Variants in TAFA2 observed in about 807,000 individuals in gnomAD.
TAFA2 encodes the protein chemokine-like protein TAFA-2.
Under a neutral mutation model 18.8 loss-of-function variants are expected in TAFA2, and 7 were observed. The observed-to-expected ratio is 0.37, with a 90% confidence interval of 0.21 to 0.70. The LOEUF is 0.70. TAFA2 is among the 30% of genes least tolerant of loss of function. TAFA2 has a pLI of 0.53. For missense variants in TAFA2, 122 were observed against 158.1 expected (o/e 0.77, Z 1.23); for synonymous variants, 60 against 54.2 (o/e 1.11, Z -0.47).
In TAFA2 at chr12:61,872,735, A is replaced by T. The variant is rs143666183; in HGVS notation, c.-1-5309T>A. Among the ~76,000 whole-genome samples the T allele has an allele frequency of 6.6e-4, 100 of 152,012 alleles. 1 individual carries two copies. Among genetic ancestry groups the T allele is most frequent in the African/African-American group, 2.4e-3 (98 of 41,470 alleles). On this transcript the variant is annotated intron_variant, in intron 1 of 4. Transcript: ENST00000416284. The stretch of plus-strand genomic sequence containing the variant: ...CAAGCTAAATCTAGACCTTACCCTA[A>T]ACGTTAATTCTGCCATGAAGGTTCT...
chr12:62,161,591 G>A (rs925469928), intron 1 of TAFA2, among the ~76,000 whole-genome samples: 79 of 152,112 alleles, frequency 5.2e-4, no homozygotes, highest in Admixed American at 5.1e-3. Flanking sequence ...ATGACTTAAT[G>A]GGTGCAGTGT....
intron 2 of TAFA2, among the ~76,000 whole-genome samples, chr12:61,795,729 A>T (rs1024389039): frequency 2.6e-5 from 4 of 151,496 alleles, no homozygotes; most frequent in Non-Finnish European, 5.9e-5. Flanking sequence ...GTGTAATTTA[A>T]AAAAAAAACT....
chr12:61,876,198 T>C (rs921200153), intron 1 of TAFA2, among the ~76,000 whole-genome samples: 1 of 152,174 alleles, frequency 6.6e-6, no homozygotes, highest in African/African-American at 2.4e-5. Context: ...CAGTCTATTA[T>C]CATTGGGACT....
chr12:61,790,932 A>G (rs1452332322), intron 2 of TAFA2, among the ~76,000 whole-genome samples: 2 of 151,840 alleles, frequency 1.3e-5, no homozygotes, highest in Admixed American at 6.6e-5. Context: ...GAAAACCTAG[A>G]GGCATCATAT....
intron 1 of TAFA2, among the ~76,000 whole-genome samples, chr12:62,050,839 A>T (rs1882033612): frequency 6.6e-6 from 1 of 152,324 alleles, no homozygotes; most frequent in Middle Eastern, 3.4e-3. Context: ...TATTTACACC[A>T]TAGGAACTGG....
chr12:61,955,614 AAAAAAAAAAAAAAAAAAAAT>A lies in TAFA2; in HGVS notation c.-1-88208_-1-88189del, dbSNP rs1284682550. ...AGACTCCATCTCAAAAAAAAAAAAA[AAAAAAAAAAAAAAAAAAAAT>A]ATATATATATATATATATATATATA... is the stretch of plus-strand genomic sequence containing the variant. On this transcript the variant is annotated intron_variant, in intron 1 of 4. Coordinates refer to ENST00000416284, the MANE Select transcript of TAFA2 (RefSeq NM_178539.5). 8.5e-4 allele frequency among the ~76,000 whole-genome samples: 28 copies of A among 32,944 alleles called. 1 individual carries two copies. The highest frequency in any genetic ancestry group is 2.6e-3 in the African/African-American group (27 of 10,354). 21.6% of individuals were successfully genotyped at this position (32,944 alleles called of 152,430 possible).
chr12:62,050,724 G>A (rs1882030480), intron 1 of TAFA2, among the ~76,000 whole-genome samples: 1 of 152,106 alleles, frequency 6.6e-6, no homozygotes, highest in East Asian at 1.9e-4. Flanking sequence ...AAACTGAAGT[G>A]ATTTTCAATT....
chr12:61,780,523 T>C (rs1014839402), intron 2 of TAFA2, among the ~76,000 whole-genome samples: 1 of 151,692 alleles, frequency 6.6e-6, no homozygotes, highest in Admixed American at 6.6e-5. Flanking sequence ...ATAAATCTTC[T>C]CCCAGTCTCT....
upstream of TAFA2, among the ~76,000 whole-genome samples, chr12:62,194,355 A>C (rs960412018): frequency 1.3e-5 from 2 of 151,958 alleles, no homozygotes; most frequent in Admixed American, 6.6e-5. Context: ...CATACATTAT[A>C]ATCTTTCTAC....
At chr12:61,971,367 T>C (rs1182326552) in intron 1 of TAFA2, among the ~76,000 whole-genome samples, 1 of 151,682 alleles carries the variant, frequency 6.6e-6, no homozygotes, top group Non-Finnish European at 1.5e-5. Flanking sequence ...TCCATAGCAT[T>C]AGGAGATATA....
chr12:61,914,340 G>T (rs531528995), intron 1 of TAFA2, among the ~76,000 whole-genome samples: 10 of 152,104 alleles, frequency 6.6e-5, no homozygotes, highest in Non-Finnish European at 1.3e-4. Context: ...ACCAGAAAAA[G>T]GAAGAGACCC....
At chr12:61,847,945 GGGCTTGTCA>G (rs769966233) in intron 2 of TAFA2, among the ~76,000 whole-genome samples, 66 of 152,102 alleles carry the variant, frequency 4.3e-4, no homozygotes, top group Non-Finnish European at 8.8e-4. Context: ...CTCTATTAGT[GGGCTTGTCA>G]GTTTTATCTA....
intron 2 of TAFA2, among the ~76,000 whole-genome samples, chr12:61,837,395 A>AGG (rs1407645130): frequency 6.6e-6 from 1 of 152,042 alleles, no homozygotes; most frequent in Non-Finnish European, 1.5e-5. Flanking sequence ...TAGAGACATC[A>AGG]TAACTCTTAA....
intron 1 of TAFA2, among the ~76,000 whole-genome samples, chr12:62,071,254 T>C (rs1882623395): frequency 6.6e-6 from 1 of 152,126 alleles, no homozygotes; most frequent in Non-Finnish European, 1.5e-5. Flanking sequence ...GAAATCGGAA[T>C]GCTAAGAAGG....
At chr12:62,206,363 C>G (rs1014587117) in intron 1 of TAFA2, among the ~76,000 whole-genome samples, 1 of 152,228 alleles carries the variant, frequency 6.6e-6, no homozygotes, top group African/African-American at 2.4e-5. Context: ...ACAGCATTCA[C>G]CAATACCATG....
At chr12:62,170,674 C>A (rs2062471367) in intron 1 of TAFA2, among the ~76,000 whole-genome samples, 1 of 140,956 alleles carries the variant, frequency 7.1e-6, no homozygotes, top group East Asian at 2.0e-4. Flanking sequence ...TACATCGATA[C>A]AATGCAGAGT....
intron 1 of TAFA2, among the ~76,000 whole-genome samples, chr12:61,978,330 A>G (rs1304622219): frequency 6.6e-6 from 1 of 152,092 alleles, no homozygotes; most frequent in Non-Finnish European, 1.5e-5. Context: ...GGTGAATTTG[A>G]TATTCTTATC....
chr12:61,735,934 C>T (rs1338699588), intron 4 of TAFA2, among the ~76,000 whole-genome samples: 1 of 151,974 alleles, frequency 6.6e-6, no homozygotes, highest in Non-Finnish European at 1.5e-5. Flanking sequence ...GCCAAGCATG[C>T]CTTAAACATA....
intron 1 of TAFA2, among the ~76,000 whole-genome samples, chr12:61,880,970 T>A (rs1875107324): frequency 6.6e-6 from 1 of 152,078 alleles, no homozygotes; most frequent in Non-Finnish European, 1.5e-5. Context: ...CAATTCATTT[T>A]TTTTTCCAAA....
Sources: allele counts gnomAD v4.1 joint callset (sites outside exome capture counted in the v4.1 genomes callset), GRCh38; gene constraint gnomAD v4.1.1; transcripts MANE v1.5; gene names NCBI Gene and HGNC (gene_info 2026-07-23, HGNC 2026-07-21).